GPC3: variants seen among roughly 807,000 people sequenced by gnomAD.
The protein encoded by GPC3 is glypican-3.
A neutral mutation model predicts 34.4 loss-of-function variants in GPC3; 3 were observed. That is an observed-to-expected ratio of 0.09 (90% CI 0.04 to 0.23). GPC3 has a LOEUF of 0.23. Among genes scored for constraint, GPC3 ranks in the 10% least tolerant of loss-of-function variants. The pLI is 1.00. For synonymous variants in GPC3, 177 were observed against 174.0 expected (o/e 1.02, Z -0.13); for missense variants, 351 against 445.6 (o/e 0.79, Z 1.91).
intron 6 of GPC3, among the ~76,000 whole-genome samples, chrX:133,657,929 A>C (rs1476600208): frequency 9.1e-6 from 1 of 109,304 alleles, no homozygotes; most frequent in Non-Finnish European, 1.9e-5. Context: ...AGAGAGAGAG[A>C]GAGAGAGGAG....
chrX:133,622,219 C>T (rs2035865393), intron 6 of GPC3, among the ~76,000 whole-genome samples: 1 of 111,925 alleles, frequency 8.9e-6, no homozygotes. Context: ...AGCAGAAAAG[C>T]TGAAAATTCT....
At chrX:133,682,624 T>G (rs1460292786) in intron 5 of GPC3, among the ~76,000 whole-genome samples, 1 of 111,751 alleles carries the variant, frequency 8.9e-6, no homozygotes, top group Non-Finnish European at 1.9e-5. Flanking sequence ...GAATGTCATA[T>G]TAAATGTCCT....
intron 4 of GPC3, among the ~76,000 whole-genome samples, chrX:133,695,425 C>A (rs2071106710): frequency 9.0e-6 from 1 of 111,697 alleles, no homozygotes; most frequent in Non-Finnish European, 1.9e-5. Context: ...TGGATTAAAT[C>A]TCAATAAAGC....
At chrX:133,679,197 A>G (rs1318297747) in intron 5 of GPC3, among the ~76,000 whole-genome samples, 3 of 111,341 alleles carry the variant, frequency 2.7e-5, no homozygotes, top group Non-Finnish European at 5.7e-5. Context: ...ACAGAGAGAG[A>G]TACTCAGGAA....
intron 2 of GPC3, among the ~76,000 whole-genome samples, chrX:133,949,742 G>A (rs965514668): frequency 4.5e-5 from 5 of 111,805 alleles, no homozygotes; most frequent in African/African-American, 1.6e-4. Flanking sequence ...TAGAACTCAA[G>A]GTTTAAAGGT....
intron 2 of GPC3, among the ~76,000 whole-genome samples, chrX:133,894,884 A>G (rs1425369335): frequency 8.9e-6 from 1 of 112,076 alleles, no homozygotes; most frequent in Non-Finnish European, 1.9e-5. Context: ...GAGACACTGT[A>G]GTTACATGGA....
intron 7 of GPC3, among the ~76,000 whole-genome samples, chrX:133,560,024 G>A (rs1387025882): frequency 9.0e-6 from 1 of 111,380 alleles, no homozygotes; most frequent in East Asian, 2.8e-4. Context: ...AGTCACTGAC[G>A]GACAGGAATC....
At chrX:133,605,529 A>G (rs1043522389) in intron 6 of GPC3, among the ~76,000 whole-genome samples, 1 of 112,345 alleles carries the variant, frequency 8.9e-6, no homozygotes, top group African/African-American at 3.2e-5. Flanking sequence ...AGTGTTTGGT[A>G]CAAAGTAATG....
chrX:133,852,725 C>G (rs73567080), intron 2 of GPC3, among the ~76,000 whole-genome samples: 1 of 110,852 alleles, frequency 9.0e-6, no homozygotes, highest in Non-Finnish European at 1.9e-5. Context: ...GCAGCACACA[C>G]GCTGGCATTT....
At chrX:133,950,708 T>G (rs1320886579) in intron 2 of GPC3, among the ~76,000 whole-genome samples, 1 of 111,906 alleles carries the variant, frequency 8.9e-6, no homozygotes, top group Non-Finnish European at 1.9e-5. Flanking sequence ...GATGCTCTCT[T>G]TTTCTTAGCA....
At chrX:133,944,740 A>T (rs2076360216) in intron 2 of GPC3, among the ~76,000 whole-genome samples, 2 of 112,658 alleles carry the variant, frequency 1.8e-5, no homozygotes, top group Non-Finnish European at 3.7e-5. Flanking sequence ...AAGCAAAGAT[A>T]TTATATTTCA....
At chrX:133,964,338 A>G (rs1306691871) in intron 1 of GPC3, among the ~76,000 whole-genome samples, 3 of 112,293 alleles carry the variant, frequency 2.7e-5, no homozygotes, top group Admixed American at 1.9e-4. Context: ...GACCAGGTGG[A>G]AAGCTGCAGT....
intron 6 of GPC3, among the ~76,000 whole-genome samples, chrX:133,605,793 C>G (rs1209025399): frequency 1.8e-5 from 2 of 111,645 alleles, no homozygotes; most frequent in South Asian, 3.8e-4. Context: ...CACTGAAGCA[C>G]TAGAAAGAAG....
intron 7 of GPC3, among the ~76,000 whole-genome samples, chrX:133,553,228 T>C (rs1165956280): frequency 9.0e-6 from 1 of 111,456 alleles, no homozygotes; most frequent in African/African-American, 3.3e-5. Context: ...CATCGTGTGA[T>C]TGGCCAAGTC....
chrX:133,842,305 G>A (rs778182437), intron 2 of GPC3, among the ~76,000 whole-genome samples: 17 of 106,498 alleles, frequency 1.6e-4, no homozygotes, highest in African/African-American at 5.2e-4. Context: ...GCCACGGAGT[G>A]AGACTGTCTC....
At chrX:133,862,998 G>A (rs2075945361) in intron 2 of GPC3, among the ~76,000 whole-genome samples, 1 of 112,865 alleles carries the variant, frequency 8.9e-6, no homozygotes, top group Non-Finnish European at 1.9e-5. Flanking sequence ...TAGCAGCACT[G>A]GGAAGGCCAA....
In GPC3 at chrX:133,688,189, T is replaced by C. The variant is rs541937991; in HGVS notation, c.1292+4180A>G. ...AGAAGCTGGAGGATCTTTCTGCCTT[T>C]GGCAATTTTAGGAAATCTTTGCCTG... On this transcript the variant is annotated intron_variant, in intron 5 of 7. Transcript: ENST00000370818. Among the ~76,000 whole-genome samples, 8 of 112,238 alleles carry C rather than the reference T, an allele frequency of 7.1e-5. 1 individual carries two copies. The South Asian group carries it at 1.9e-3, about 26-fold the overall frequency.
At chrX:133,704,530 A>T (rs2071197810) in intron 3 of GPC3, among the ~76,000 whole-genome samples, 1 of 109,009 alleles carries the variant, frequency 9.2e-6, no homozygotes, top group Non-Finnish European at 1.9e-5. Context: ...GTGAAGTGTG[A>T]TTGGACAAAG....
At chrX:133,977,937 A>G (rs1354962949) in intron 1 of GPC3, among the ~76,000 whole-genome samples, 1 of 110,782 alleles carries the variant, frequency 9.0e-6, no homozygotes, top group Non-Finnish European at 1.9e-5. Flanking sequence ...TTTAAATTTT[A>G]TTTATTTATT....
Sources: gnomAD v4.1 joint callset for allele counts (sites outside exome capture counted in the v4.1 genomes callset) on GRCh38, gnomAD v4.1.1 for gene constraint, MANE v1.5 for transcripts, NCBI Gene and HGNC (gene_info 2026-07-23, HGNC 2026-07-21) for gene names.